The following PLEKHM3 variants were observed in gnomAD, a reference collection of about 807,000 sequenced individuals.
PLEKHM3 encodes pleckstrin homology domain-containing family M member 3.
A neutral mutation model predicts 81.8 loss-of-function variants in PLEKHM3; 45 were observed. That is an observed-to-expected ratio of 0.55 (90% CI 0.43 to 0.71). The LOEUF is 0.71. Ranked by LOEUF, PLEKHM3 falls within the 30% of genes least tolerant of loss-of-function variation. The probability of loss-of-function intolerance (pLI) is 0.00; values close to 1 mark genes in which losing one functional copy is unlikely to be tolerated. For synonymous variants in PLEKHM3, 352 were observed against 356.4 expected (o/e 0.99, Z 0.14); for missense variants, 788 against 924.3 (o/e 0.85, Z 1.91).
intron 5 of PLEKHM3, among the ~76,000 whole-genome samples, 182 bp downstream of exon 5, chr2:207,930,744 G>T (rs550467696): frequency 6.6e-5 from 10 of 152,294 alleles, no homozygotes; most frequent in Admixed American, 6.5e-4. Context: ...ACCAAATGGG[G>T]ACCTTGGAGT....
chr2:207,961,176 C>A (rs1690719099), intron 3 of PLEKHM3, among the ~76,000 whole-genome samples: 1 of 152,168 alleles, frequency 6.6e-6, no homozygotes, highest in African/African-American at 2.4e-5. Context: ...GCCTCCCAGC[C>A]ACCACATCAT....
intron 6 of PLEKHM3, among the ~76,000 whole-genome samples, chr2:207,865,798 AAAAAGATATATATATATAT>A (rs1310381283): frequency 4.5e-5 from 2 of 44,442 alleles, no homozygotes; most frequent in African/African-American, 2.7e-4. Flanking sequence ...AAAAAAAAAA[AAAAAGATATATATATATAT>A]ATATATATAT....
intron 2 of PLEKHM3, among the ~76,000 whole-genome samples, chr2:207,995,070 A>T (rs1692026350): frequency 6.6e-6 from 1 of 152,178 alleles, no homozygotes; most frequent in Non-Finnish European, 1.5e-5. Context: ...TCTCCCTTCC[A>T]TGCTTACAAA....
chr2:207,898,431 C>T (rs1688312801), intron 6 of PLEKHM3, among the ~76,000 whole-genome samples: 1 of 152,174 alleles, frequency 6.6e-6, no homozygotes, highest in African/African-American at 2.4e-5. Context: ...CAACATAGCT[C>T]TATTCTAGAG....
chr2:207,831,943 A>G (rs2092290918), intron 7 of PLEKHM3, among the ~76,000 whole-genome samples: 1 of 152,226 alleles, frequency 6.6e-6, no homozygotes, highest in African/African-American at 2.4e-5. Context: ...TCAGTGATTT[A>G]TACACCTAGG....
chr2:208,022,826 T>C (rs952015221), intron 1 of PLEKHM3, among the ~76,000 whole-genome samples: 4 of 152,342 alleles, frequency 2.6e-5, no homozygotes, highest in African/African-American at 9.6e-5. Context: ...TGATATCTTA[T>C]TATATGCACA....
At chr2:207,870,532 T>C (rs1340530143) in intron 6 of PLEKHM3, among the ~76,000 whole-genome samples, 1 of 152,238 alleles carries the variant, frequency 6.6e-6, no homozygotes, top group African/African-American at 2.4e-5. Flanking sequence ...AGAATCAACA[T>C]TGTCACACAT....
At chr2:207,836,986 G>A (rs925227007) in intron 7 of PLEKHM3, among the ~76,000 whole-genome samples, 21 of 152,286 alleles carry the variant, frequency 1.4e-4, no homozygotes, top group African/African-American at 4.8e-4. Flanking sequence ...ATGTGAGTGC[G>A]GCTTTGCGTA....
intron 5 of PLEKHM3, among the ~76,000 whole-genome samples, chr2:207,914,840 G>T (rs1436626376): frequency 6.6e-6 from 1 of 152,138 alleles, no homozygotes; most frequent in Non-Finnish European, 1.5e-5. Flanking sequence ...TGTGTTTAGG[G>T]CCTTCTGTGC....
At chr2:207,973,236 G>T (rs1372181602) in intron 3 of PLEKHM3, among the ~76,000 whole-genome samples, 1 of 152,260 alleles carries the variant, frequency 6.6e-6, no homozygotes, top group Non-Finnish European at 1.5e-5. Flanking sequence ...ACAAAAGGAA[G>T]AAGCAGCTGG....
At chr2:207,861,043 G>T in intron 7 of PLEKHM3, 62 bp downstream of exon 7, 1 of 1,566,138 alleles carries the variant, frequency 6.4e-7, no homozygotes. Context: ...GGCCTGATTT[G>T]GCCAAAGAAA....
intron 3 of PLEKHM3, among the ~76,000 whole-genome samples, chr2:207,958,708 G>A (rs953792290): frequency 3.3e-5 from 5 of 151,948 alleles, no homozygotes; most frequent in Non-Finnish European, 5.9e-5. Flanking sequence ...TCCGGAGTTC[G>A]ACAGCAGCCT....
chr2:207,914,861 G>A (rs538716057), intron 5 of PLEKHM3, among the ~76,000 whole-genome samples: 4 of 152,260 alleles, frequency 2.6e-5, no homozygotes, highest in South Asian at 2.1e-4. Context: ...ATTAACTGAC[G>A]TCACTGTATT....
At chr2:207,926,758 G>A (rs1689408065) in intron 5 of PLEKHM3, among the ~76,000 whole-genome samples, 1 of 152,168 alleles carries the variant, frequency 6.6e-6, no homozygotes, top group Non-Finnish European at 1.5e-5. Flanking sequence ...TGCAGTGTGG[G>A]TTCAAGAACA....
intron 7 of PLEKHM3, among the ~76,000 whole-genome samples, chr2:207,835,905 A>G (rs1475849263): frequency 6.6e-6 from 1 of 152,210 alleles, no homozygotes; most frequent in Non-Finnish European, 1.5e-5. Flanking sequence ...GGCCAGCTAG[A>G]GATGACAGCC....
intron 4 of PLEKHM3, among the ~76,000 whole-genome samples, chr2:207,937,806 TA>T (rs1297783053): frequency 6.6e-6 from 1 of 152,208 alleles, no homozygotes; most frequent in Non-Finnish European, 1.5e-5. Context: ...ATCTCTATCA[TA>T]AAAATTCATA....
intron 2 of PLEKHM3, among the ~76,000 whole-genome samples, chr2:207,994,316 T>C (rs1430215271): frequency 1.3e-5 from 2 of 152,182 alleles, no homozygotes; most frequent in Non-Finnish European, 2.9e-5. Flanking sequence ...AATTCTGAGA[T>C]GTTAAGACCT....
rs1169948965 is a variant in PLEKHM3, at chr2:207,843,118, T to C, written c.2109-14622A>G. On this transcript the variant is annotated intron_variant, in intron 7 of 7. Transcript: ENST00000427836. This position sits in a 1 kb window ranked among gnomAD's most constrained non-coding sequence, Gnocchi z 4.4. ...GGTGCACACCACCATAGCTGGCTCA[T>C]TTTGTATTTTTTGGAGAGATGGGGT... Among the ~76,000 whole-genome samples, 1 of 152,120 alleles carries C rather than the reference T, an allele frequency of 6.6e-6. No homozygotes were observed. Among genetic ancestry groups the C allele is most frequent in the African/African-American group, 2.4e-5 (1 of 41,412 alleles).
intron 2 of PLEKHM3, among the ~76,000 whole-genome samples, chr2:207,983,456 T>C (rs1691611158): frequency 6.6e-6 from 1 of 151,988 alleles, no homozygotes; most frequent in Non-Finnish European, 1.5e-5. Flanking sequence ...TTATCTAATA[T>C]CACAAATGAT....
Sources: gnomAD v4.1 joint callset for allele counts (sites outside exome capture counted in the v4.1 genomes callset) on GRCh38, gnomAD v4.1.1 for gene constraint, Gnocchi (gnomAD v3.1) non-coding constraint, MANE v1.5 for transcripts, NCBI Gene and HGNC (gene_info 2026-07-23, HGNC 2026-07-21) for gene names.